Variants in PCDH15 observed in about 807,000 individuals in gnomAD.
The protein encoded by PCDH15 is protocadherin related 15, also known as protocadherin-15.
PCDH15 carries 129 observed loss-of-function variants against 178.5 expected under a neutral mutation model. The ratio of observed to expected loss-of-function variants is 0.72; its 90% CI spans 0.63 to 0.84. PCDH15 has a LOEUF of 0.84. Among genes scored for constraint, PCDH15 ranks in the 40% least tolerant of loss-of-function variants. PCDH15 has a pLI of 0.00. For synonymous variants in PCDH15, 800 were observed against 732.0 expected (o/e 1.09, Z -1.50); for missense variants, 2,230 against 2,099.9 (o/e 1.06, Z -1.21).
At chr10:55,607,918 A>T (rs984933507) in intron 2 of PCDH15, among the ~76,000 whole-genome samples, 9 of 151,984 alleles carry the variant, frequency 5.9e-5, no homozygotes, top group Non-Finnish European at 1.2e-4. Context: ...AAATACACAC[A>T]CACACAGAGA....
At chr10:54,881,868 T>A (rs190702232) in intron 3 of PCDH15, among the ~76,000 whole-genome samples, 1 of 152,082 alleles carries the variant, frequency 6.6e-6, no homozygotes, top group East Asian at 1.9e-4. Flanking sequence ...TTCTCAAAAG[T>A]GTTTTGAAGT....
At chr10:54,174,571 AG>A in intron 13 of PCDH15, among the ~76,000 whole-genome samples, 1 of 152,094 alleles carries the variant, frequency 6.6e-6, no homozygotes, top group South Asian at 2.1e-4. Context: ...TAAGTATATG[AG>A]AAAAAATTGG....
At chr10:54,201,528 T>C (rs2050227682) in intron 10 of PCDH15, among the ~76,000 whole-genome samples, 1 of 152,132 alleles carries the variant, frequency 6.6e-6, no homozygotes, top group South Asian at 2.1e-4. Context: ...CATTTTTCAT[T>C]AGATTTTTAA....
chr10:55,140,384 G>C lies in PCDH15; in HGVS notation c.-80+26192C>G, dbSNP rs1838313808. Among the ~76,000 whole-genome samples, 3 of 151,824 alleles carry C rather than the reference G, an allele frequency of 2.0e-5. No individual in the cohort carries two copies. In the South Asian group the frequency reaches 6.2e-4, roughly 31 times the overall value. On this transcript the variant is annotated intron_variant, in intron 2 of 5. Transcript: ENST00000458638. ...AATTTTTGTAGATGTCTGTGGCCAA[G>C]GGTCCCGATTAAGCCTTTTTTCTGA...
Position 54,099,513 on chromosome 10 carries a change from A to AAAAAAAT in PCDH15, c.1918-9451_1918-9450insATTTTTT, listed in dbSNP as rs1347306483. ...GACTCCATCTCAAAAAAAAAAAAAAAATATATATATATATATATAAAACAA... is the reference window on the plus strand; with the variant it reads ...GACTCCATCTCAAAAAAAAAAAAAAAAAAAAATATATATATATATATATATAAAACAA... On this transcript the variant is annotated intron_variant, in intron 15 of 37. Coordinates refer to ENST00000644397, the MANE Select transcript of PCDH15 (RefSeq NM_001384140.1). Among the ~76,000 whole-genome samples, 619 of 117,690 alleles carry AAAAAAAT rather than the reference A, an allele frequency of 5.3e-3. 9 individuals carry two copies. The highest frequency in any genetic ancestry group is 6.6e-3 in the Non-Finnish European group (406 of 61,318). The allele number at this position is 117,690 out of a possible 152,430, so 77.2% of individuals were successfully genotyped here. A position where few individuals can be genotyped will look rare whatever the true frequency, so the allele number is the denominator to read the frequency against.
intron 2 of PCDH15, among the ~76,000 whole-genome samples, chr10:54,974,155 C>G (rs1422468093): frequency 6.6e-6 from 1 of 151,272 alleles, no homozygotes; most frequent in Admixed American, 6.6e-5. Flanking sequence ...GCCTAGGAGA[C>G]TAAAGCAAAT....
chr10:54,039,109 G>A (rs1362540960), intron 18 of PCDH15, among the ~76,000 whole-genome samples: 1 of 151,804 alleles, frequency 6.6e-6, no homozygotes, highest in African/African-American at 2.4e-5. Flanking sequence ...AGTTATTATT[G>A]TCCATATTTT....
intron 8 of PCDH15, among the ~76,000 whole-genome samples, chr10:54,257,583 T>A (rs1591454606): frequency 6.6e-6 from 1 of 152,104 alleles, no homozygotes; most frequent in African/African-American, 2.4e-5. Context: ...TGAGATTTTT[T>A]AAATCTGCTA....
At chr10:55,540,478 A>G (rs1009983206) in intron 2 of PCDH15, among the ~76,000 whole-genome samples, 1 of 152,054 alleles carries the variant, frequency 6.6e-6, no homozygotes, top group African/African-American at 2.4e-5. Flanking sequence ...GTGTTTTCCT[A>G]TTGCATAAAA....
intron 2 of PCDH15, among the ~76,000 whole-genome samples, chr10:55,329,141 G>T (rs12769685): frequency 0.19 from 28,542 of 149,636 alleles, 2,925 homozygotes; most frequent in African/African-American, 0.26. Context: ...AGACAATAAT[G>T]GTATGGAATA....
At chr10:54,584,249 T>A (rs1385880383) in intron 2 of PCDH15, among the ~76,000 whole-genome samples, 2 of 151,936 alleles carry the variant, frequency 1.3e-5, no homozygotes, top group East Asian at 3.9e-4. Context: ...ATAAAATTAG[T>A]CATGTGTGGT....
At chr10:54,103,570 A>G (rs10825229) in intron 15 of PCDH15, among the ~76,000 whole-genome samples, 92,144 of 151,830 alleles carry the variant, frequency 0.61, 28,767 homozygotes, top group Middle Eastern at 0.69. Context: ...GTATATCTTC[A>G]GGACCCACCC....
intron 5 of PCDH15, among the ~76,000 whole-genome samples, chr10:54,359,645 T>C (rs555324743): frequency 1.2e-4 from 18 of 152,158 alleles, no homozygotes; most frequent in African/African-American, 4.1e-4. Flanking sequence ...GAACCAATTA[T>C]TTGTCAACAA....
At chr10:55,263,826 G>C (rs11819039) in intron 1 of PCDH15, among the ~76,000 whole-genome samples, 26,243 of 151,924 alleles carry the variant, frequency 0.17, 3,132 homozygotes, top group East Asian at 0.38. Context: ...GCTCTGCCTC[G>C]TGGGTTCACG....
Position 55,071,805 on chromosome 10 carries a change from C to A in PCDH15, c.-80+94771G>T, listed in dbSNP as rs566318634. On this transcript the variant is annotated intron_variant, in intron 2 of 5. Transcript: ENST00000458638. ...TCAAGAGAATATACATTTTTTTCAG[C>A]ACCACACCACACCTATTCCAAAATT... is the stretch of plus-strand genomic sequence containing the variant. Among the ~76,000 whole-genome samples the A allele has an allele frequency of 2.6e-5, 4 of 152,188 alleles. No homozygotes were observed. In the East Asian group the frequency reaches 7.7e-4, roughly 29 times the overall value.
At chr10:55,265,974 A>G (rs1842281941) in intron 1 of PCDH15, among the ~76,000 whole-genome samples, 1 of 152,120 alleles carries the variant, frequency 6.6e-6, no homozygotes, top group Non-Finnish European at 1.5e-5. Flanking sequence ...CAAGCCCTCA[A>G]ACAGGGTGCA....
At chr10:55,487,408 T>C (rs1352356110) in intron 2 of PCDH15, among the ~76,000 whole-genome samples, 1 of 151,666 alleles carries the variant, frequency 6.6e-6, no homozygotes, top group Admixed American at 6.6e-5. Flanking sequence ...ATTCTAAAAC[T>C]CTCGCACATC....
rs375915955 is a variant in PCDH15 at position 55,383,392 on chromosome 10, C to A, written c.-155-216741G>T. 1.6e-3 allele frequency among the ~76,000 whole-genome samples: 249 copies of A among 152,098 alleles called. 1 individual carries two copies. The highest frequency in any genetic ancestry group is 5.1e-3 in the African/African-American group (211 of 41,514). Reference sequence around the variant, plus strand: ...GGTAGCGGATGAGGGGCATGGCGGGCTGGGGTGGTTTTGGAAAAAGCAACA... The same window carrying A: ...GGTAGCGGATGAGGGGCATGGCGGGATGGGGTGGTTTTGGAAAAAGCAACA... On this transcript the variant is annotated intron_variant, in intron 2 of 5. Transcript: ENST00000613346.
chr10:54,377,286 A>C (rs746560074), intron 4 of PCDH15, among the ~76,000 whole-genome samples: 17 of 152,120 alleles, frequency 1.1e-4, no homozygotes, highest in Non-Finnish European at 2.2e-4. Flanking sequence ...ATTATTTTAC[A>C]ATTAAATGAG....
Sources: allele counts gnomAD v4.1 joint callset (sites outside exome capture counted in the v4.1 genomes callset), GRCh38; gene constraint gnomAD v4.1.1; transcripts MANE v1.5; gene names NCBI Gene and HGNC (gene_info 2026-07-23, HGNC 2026-07-21).